The following BHMT variants were observed in gnomAD, a reference collection of about 807,000 sequenced individuals.
BHMT encodes betaine--homocysteine S-methyltransferase, also known as betaine--homocysteine S-methyltransferase 1.
A neutral mutation model predicts 49.5 loss-of-function variants in BHMT; 38 were observed. That is an observed-to-expected ratio of 0.77 (90% CI 0.59 to 1.01). The LOEUF is 1.01. Among genes scored for constraint, BHMT ranks in the 50% least tolerant of loss-of-function variants. The probability of loss-of-function intolerance (pLI) is 0.00; values close to 1 mark genes in which losing one functional copy is unlikely to be tolerated. For synonymous variants in BHMT, 166 were observed against 176.3 expected (o/e 0.94, Z 0.46); for missense variants, 426 against 495.7 (o/e 0.86, Z 1.34).
rs187928319 is a variant in BHMT at position 79,119,131 on chromosome 5, T to C, written c.167-128T>C. On this transcript the variant is annotated intron_variant, in intron 2 of 7. Transcript: ENST00000274353. ...TTCAGATCTACCTCTCATCTACCCC[T>C]AAGATGTGCAAATGTCAAGCAACCA... 3.4e-4 allele frequency: 245 copies of C among 724,632 alleles called. 1 individual carries two copies. In the East Asian group the frequency reaches 5.1e-3, roughly 15 times the overall value. The allele number at this position is 724,632 out of a possible 1,614,324, so 44.9% of individuals were successfully genotyped here.
chr5:79,113,564 T>A (rs982629929), intron 1 of BHMT, among the ~76,000 whole-genome samples: 13 of 152,244 alleles, frequency 8.5e-5, no homozygotes, highest in Non-Finnish European at 2.9e-5. Context: ...ACATGTTCAT[T>A]ATAAACAATG....
At chr5:79,114,104 T>A (rs1055822087) in intron 1 of BHMT, among the ~76,000 whole-genome samples, 13 of 147,244 alleles carry the variant, frequency 8.8e-5, no homozygotes, top group African/African-American at 2.9e-4. Flanking sequence ...TATATATATT[T>A]ATATATATGT....
In BHMT at chr5:79,131,871, A is replaced by C. The variant is rs1201154400; in HGVS notation, c.*755A>C. 1 of 151,404 alleles carries C rather than the reference A, an allele frequency of 6.6e-6. No homozygotes were observed. The highest frequency in any genetic ancestry group is 1.5e-5 in the Non-Finnish European group (1 of 67,996). 9.4% of individuals were successfully genotyped at this position (151,404 alleles called of 1,614,324 possible). On this transcript the variant is annotated 3_prime_UTR_variant, in exon 8 of 8. Transcript: ENST00000274353. ...TCAGAGTTCTTCTGTTTCGTGACCCACTTTTCTACCAGTAAAAGACATAGA... is the reference window on the plus strand; with the variant it reads ...TCAGAGTTCTTCTGTTTCGTGACCCCCTTTTCTACCAGTAAAAGACATAGA...
In BHMT at chr5:79,121,383, TCA is replaced by T; in HGVS notation, c.625+19_625+20del. 1 of 1,613,948 alleles carries T rather than the reference TCA, an allele frequency of 6.2e-7. No homozygotes were observed. The highest frequency in any genetic ancestry group is 8.5e-7 in the Non-Finnish European group (1 of 1,179,806). ...GAAAGCAGGTGATGATAGATTTCAA[TCA>T]GTTTGTGATTAGTAAGTCTTAAAAG... is the stretch of plus-strand genomic sequence containing the variant. On this transcript the variant is annotated intron_variant, in intron 5 of 7. Transcript: ENST00000274353.
chr5:79,114,228 G>T (rs986641979), intron 1 of BHMT, among the ~76,000 whole-genome samples: 1 of 151,944 alleles, frequency 6.6e-6, no homozygotes, highest in African/African-American at 2.4e-5. Flanking sequence ...TCAAAATGAC[G>T]TGTGAGCCAT....
At position 79,111,897 on chromosome 5, in the gene BHMT, TG is replaced by T. The variant is rs755670529; in HGVS notation, c.17del (p.Gly6AlafsTer9). 6.2e-7 allele frequency: 1 copy of T among 1,611,618 alleles called. No individual in the cohort carries two copies. On this transcript the variant is annotated frameshift_variant, in exon 1 of 8. Transcript: ENST00000274353. LOFTEE classifies it high-confidence loss of function. MPPV[G>X]GKKAKKGILE... ...TGGACACCACGAAGATGCCACCCGTTGGGGGCAAAAAGGCCAAGAAGGTGAG... is the reference window on the plus strand; with the variant it reads ...TGGACACCACGAAGATGCCACCCGTTGGGGCAAAAAGGCCAAGAAGGTGAG...
intron 3 of BHMT, chr5:79,120,139 C>CAT (rs1020657086): frequency 8.6e-6 from 4 of 464,578 alleles, no homozygotes; most frequent in Middle Eastern, 1.1e-3. Context: ...AATGTAATGT[C>CAT]ATATATATAT....
chr5:79,126,020 G>A (rs771167817), intron 5 of BHMT, 26 bp from the exon 6 acceptor site: 11 of 1,583,448 alleles, frequency 6.9e-6, no homozygotes, highest in Non-Finnish European at 9.5e-6. Flanking sequence ...GCATCCCTAA[G>A]TCTATCATGT....
chr5:79,113,896 A>G (rs1392676898), intron 1 of BHMT, among the ~76,000 whole-genome samples: 3 of 152,080 alleles, frequency 2.0e-5, no homozygotes, highest in Non-Finnish European at 2.9e-5. Context: ...CCTGCCACCC[A>G]GCATCAGATC....
intron 5 of BHMT, among the ~76,000 whole-genome samples, chr5:79,123,838 T>G (rs2112729442): frequency 6.6e-6 from 1 of 152,206 alleles, no homozygotes; most frequent in South Asian, 2.1e-4. Flanking sequence ...AGGCATGAGC[T>G]ACTGCACCTG....
intron 2 of BHMT, 45 bp from the exon 3 acceptor site, chr5:79,119,214 G>C: frequency 7.1e-7 from 1 of 1,403,816 alleles, no homozygotes; most frequent in Non-Finnish European, 9.8e-7. Context: ...AAAATATCGT[G>C]TGTTAATAAA....
At position 79,121,094 on chromosome 5, in the gene BHMT, T is replaced by A. The variant is rs150085371; in HGVS notation, c.478-124T>A. The stretch of plus-strand genomic sequence containing the variant: ...TGAAACTGGGAGGCAAATGTTGCAG[T>A]GAGCCGAAATCGCACCACAGCACTC... On this transcript the variant is annotated intron_variant, in intron 4 of 7. Coordinates refer to ENST00000274353, the MANE Select transcript of BHMT (RefSeq NM_001713.3). 11 of 1,196,152 alleles carry A rather than the reference T, an allele frequency of 9.2e-6. No homozygotes were observed. In the Admixed American group the frequency reaches 9.4e-5, roughly 10 times the overall value. 74.1% of individuals were successfully genotyped at this position (1,196,152 alleles called of 1,614,324 possible). A position where few individuals can be genotyped will look rare whatever the true frequency, so the allele number is the denominator to read the frequency against.
At chr5:79,119,423 T>G in intron 3 of BHMT, 46 bp downstream of exon 3, 1 of 1,456,556 alleles carries the variant, frequency 6.9e-7, no homozygotes, top group Non-Finnish European at 9.5e-7. Flanking sequence ...ATTGTCGACC[T>G]ATTGCATCAA....
Position 79,127,965 on chromosome 5 carries a change from A to G in BHMT, c.1019A>G (p.Lys340Arg). 1 of 1,613,408 alleles carries G rather than the reference A, an allele frequency of 6.2e-7. No homozygotes were observed. Among genetic ancestry groups the G allele is most frequent in the African/African-American group, 1.3e-5 (1 of 75,036 alleles). Residue 340 changes from lysine (K) to arginine (R), a missense_variant, in exon 7 of 8, where the codon AAA (lysine) becomes AGA (arginine). Coordinates refer to ENST00000274353, the MANE Select transcript of BHMT (RefSeq NM_001713.3). ...GGAAGTGGTTTGGACATGCACACCAAACCCTGGGTTAGAGCAAGGTAAGCA... is the reference window on the plus strand; with the variant it reads ...GGAAGTGGTTTGGACATGCACACCAGACCCTGGGTTAGAGCAAGGTAAGCA... ...SWGSGLDMHTKPWVRARARKE... is the reference protein window; with the variant it reads ...SWGSGLDMHTRPWVRARARKE...
chr5:79,126,421 C>G, intron 6 of BHMT, 193 bp downstream of exon 6: 1 of 561,396 alleles, frequency 1.8e-6, no homozygotes, highest in Non-Finnish European at 3.0e-6. Flanking sequence ...AAAGGATGGT[C>G]CCAGCTAGCA....
intron 4 of BHMT, 103 bp from the exon 5 acceptor site, chr5:79,121,115 C>G (rs1335821206): frequency 1.3e-5 from 18 of 1,400,910 alleles, no homozygotes; most frequent in Non-Finnish European, 1.8e-5. Flanking sequence ...CGCACCACAG[C>G]ACTCCAGCCT....
intron 7 of BHMT, among the ~76,000 whole-genome samples, chr5:79,129,338 G>GA (rs1198784393): frequency 1.3e-5 from 2 of 152,206 alleles, no homozygotes; most frequent in African/African-American, 4.8e-5. Context: ...GGATTTCTAA[G>GA]AAAGCTGATG....
chr5:79,115,862 C>A lies in BHMT; in HGVS notation c.129C>A (p.Pro43=). 9 of 1,613,884 alleles carry A rather than the reference C, an allele frequency of 5.6e-6. No homozygotes were observed. The highest frequency in any genetic ancestry group is 7.6e-6 in the Non-Finnish European group (9 of 1,179,890). Reference sequence around the variant, plus strand: ...AGAGGGGCTACGTAAAGGCAGGACCCTGGACTCCTGAAGCTGCTGTGGAGC... The same window carrying A: ...AGAGGGGCTACGTAAAGGCAGGACCATGGACTCCTGAAGCTGCTGTGGAGC... ...LEKRGYVKAG[P]WTPEAAVEHP... is the part of the protein sequence containing the mutation. Residue 43 remains proline (P), a synonymous_variant, in exon 2 of 8, where the codon CCC becomes CCA. Coordinates refer to ENST00000274353, the MANE Select transcript of BHMT (RefSeq NM_001713.3).
intron 5 of BHMT, among the ~76,000 whole-genome samples, chr5:79,123,098 A>C (rs1479660790): frequency 6.6e-6 from 1 of 152,216 alleles, no homozygotes; most frequent in African/African-American, 2.4e-5. Context: ...AGTGTGTGGG[A>C]AGTTGCAGAA....
Sources: allele counts gnomAD v4.1 joint callset (sites outside exome capture counted in the v4.1 genomes callset), GRCh38; gene constraint gnomAD v4.1.1; transcripts MANE v1.5; gene names NCBI Gene and HGNC (gene_info 2026-07-23, HGNC 2026-07-21).